FHIT: variants seen among roughly 807,000 people sequenced by gnomAD.
The protein encoded by FHIT is bis(5'-adenosyl)-triphosphatase.
Under a neutral mutation model 17.9 loss-of-function variants are expected in FHIT, and 19 were observed. That is an observed-to-expected ratio of 1.06 (90% CI 0.74 to 1.56). The LOEUF is 1.56. Among genes scored for constraint, FHIT ranks in the 40% most tolerant of loss-of-function variants. The pLI is 0.00. For synonymous variants in FHIT, 81 were observed against 69.7 expected, an observed-to-expected ratio of 1.16 and a Z score of -0.81; for missense variants, 248 against 189.2, an observed-to-expected ratio of 1.31 and a Z score of -1.82.
At chr3:60,863,664 C>T (rs1051224415) in intron 3 of FHIT, among the ~76,000 whole-genome samples, 5 of 151,938 alleles carry the variant, frequency 3.3e-5, no homozygotes, top group African/African-American at 4.8e-5. Flanking sequence ...TTTGATGGTC[C>T]CTGGGTGAGG....
intron 4 of FHIT, among the ~76,000 whole-genome samples, chr3:60,563,515 C>A (rs1322198708): frequency 6.6e-6 from 1 of 152,200 alleles, no homozygotes; most frequent in Non-Finnish European, 1.5e-5. Context: ...CAAAGACAGG[C>A]CAAAAGCTAG....
Position 60,928,117 on chromosome 3 carries a change from G to C in FHIT, c.-110-106106C>G, listed in dbSNP as rs377492177. Among the ~76,000 whole-genome samples the C allele has an allele frequency of 4.6e-5, 7 of 152,134 alleles. No individual in the cohort carries two copies. The East Asian group carries it at 7.7e-4, about 17-fold the overall frequency. ...ACAGATGCTTGAAGGCAGTATGCTC[G>C]TTAAGAGTCATCACCACTCCCTAAT... On this transcript the variant is annotated intron_variant, in intron 3 of 9. Transcript: ENST00000492590.
chr3:60,141,435 GA>G (rs1700035731), intron 5 of FHIT, among the ~76,000 whole-genome samples: 1 of 143,662 alleles, frequency 7.0e-6, no homozygotes, highest in Non-Finnish European at 1.5e-5. Flanking sequence ...AGCCAAATGA[GA>G]TATTGAAAAA....
At chr3:60,089,491 G>A (rs1030498672) in intron 5 of FHIT, among the ~76,000 whole-genome samples, 3 of 152,048 alleles carry the variant, frequency 2.0e-5, no homozygotes, top group African/African-American at 7.3e-5. Context: ...ATGGTTGAGT[G>A]GATAAATGGA....
intron 2 of FHIT, among the ~76,000 whole-genome samples, chr3:61,110,632 T>C (rs1377943677): frequency 1.3e-5 from 2 of 152,142 alleles, no homozygotes; most frequent in Non-Finnish European, 2.9e-5. Flanking sequence ...CTGCCTAGAA[T>C]AGGATCTGGC....
In FHIT at chr3:60,290,157, A is replaced by G. The variant is rs180871845; in HGVS notation, c.103+246703T>C. On this transcript the variant is annotated intron_variant, in intron 5 of 9. Coordinates refer to ENST00000492590, the MANE Select transcript of FHIT (RefSeq NM_002012.4). ...CACCAGGCCCCTCTGTGTTCCGAGAAGTCAGCACATACCCTAAGCTAGAAA... is the reference window on the plus strand; with the variant it reads ...CACCAGGCCCCTCTGTGTTCCGAGAGGTCAGCACATACCCTAAGCTAGAAA... Among the ~76,000 whole-genome samples the G allele has an allele frequency of 4.0e-3, 608 of 152,242 alleles. 2 individuals carry two copies. Among genetic ancestry groups the G allele is most frequent in the African/African-American group, 0.014 (577 of 41,564 alleles).
At chr3:60,479,025 CTG>C (rs2033479851) in intron 5 of FHIT, among the ~76,000 whole-genome samples, 1 of 152,152 alleles carries the variant, frequency 6.6e-6, no homozygotes, top group Admixed American at 6.5e-5. Flanking sequence ...GACAGCAACA[CTG>C]TAGAACATTC....
chr3:61,135,253 A>G (rs544434651), intron 2 of FHIT, among the ~76,000 whole-genome samples: 106 of 152,336 alleles, frequency 7.0e-4, no homozygotes, highest in Non-Finnish European at 9.6e-4. Context: ...CTTTCTTTCA[A>G]TGATTTTTGG....
At chr3:60,158,645 T>C (rs1234366723) in intron 5 of FHIT, among the ~76,000 whole-genome samples, 1 of 152,122 alleles carries the variant, frequency 6.6e-6, no homozygotes, top group East Asian at 1.9e-4. Context: ...AAAGAAAAGG[T>C]CACTGCACAA....
At chr3:60,300,842 C>G (rs1007432860) in intron 5 of FHIT, among the ~76,000 whole-genome samples, 12 of 152,084 alleles carry the variant, frequency 7.9e-5, no homozygotes, top group African/African-American at 2.7e-4. Flanking sequence ...ATATCACAGT[C>G]CTGATGTTCT....
chr3:60,098,836 G>C (rs553193477), intron 5 of FHIT, among the ~76,000 whole-genome samples: 16 of 152,302 alleles, frequency 1.1e-4, no homozygotes, highest in Admixed American at 7.2e-4. Flanking sequence ...GTAAACAGTA[G>C]TCAAATTTTG....
intron 2 of FHIT, among the ~76,000 whole-genome samples, chr3:61,105,273 G>C (rs2035957264): frequency 6.6e-6 from 1 of 151,782 alleles, no homozygotes; most frequent in Non-Finnish European, 1.5e-5. Context: ...ATGACCTTGA[G>C]GGTTTCATTG....
intron 4 of FHIT, among the ~76,000 whole-genome samples, chr3:60,625,072 C>G (rs1437343926): frequency 6.6e-6 from 1 of 152,094 alleles, no homozygotes; most frequent in Non-Finnish European, 1.5e-5. Flanking sequence ...CCATGCCTGG[C>G]AAATTTTTGT....
chr3:61,094,699 A>G (rs1467118773), intron 2 of FHIT, among the ~76,000 whole-genome samples: 4 of 152,216 alleles, frequency 2.6e-5, no homozygotes, highest in Non-Finnish European at 5.9e-5. Flanking sequence ...TGCTGGGGCC[A>G]TTATTAAGTA....
At chr3:59,795,756 A>G (rs1905865) in intron 8 of FHIT, among the ~76,000 whole-genome samples, 79,391 of 152,074 alleles carry the variant, frequency 0.52, 23,827 homozygotes, top group East Asian at 0.7. Context: ...TAATAAATAA[A>G]AAGTAAAAAA....
At chr3:61,056,295 G>A (rs773390707) in intron 2 of FHIT, among the ~76,000 whole-genome samples, 10 of 152,222 alleles carry the variant, frequency 6.6e-5, no homozygotes, top group Non-Finnish European at 1.2e-4. Flanking sequence ...CCCAGGTGAA[G>A]ATTGGGATTA....
intron 5 of FHIT, among the ~76,000 whole-genome samples, chr3:60,463,219 C>T (rs184597643): frequency 3.3e-5 from 5 of 152,164 alleles, no homozygotes; most frequent in Admixed American, 2.6e-4. Flanking sequence ...GGTGTTATTT[C>T]ATGTAAATGT....
intron 4 of FHIT, among the ~76,000 whole-genome samples, chr3:60,548,130 CGAGAGAGAGAGAGCGAGA>C (rs991832117): frequency 1.5e-3 from 25 of 16,342 alleles, no homozygotes; most frequent in East Asian, 0.023. Context: ...AAAAGGAGCA[CGAGAGAGAGAGAGCGAGA>C]GAGAGAGAGA....
At chr3:60,331,274 T>A (rs1576487529) in intron 5 of FHIT, among the ~76,000 whole-genome samples, 1 of 152,234 alleles carries the variant, frequency 6.6e-6, no homozygotes, top group East Asian at 1.9e-4. Context: ...CAGTGCCCTT[T>A]CCTGATTTTT....
Sources: gnomAD v4.1 joint callset for allele counts (sites outside exome capture counted in the v4.1 genomes callset) on GRCh38, gnomAD v4.1.1 for gene constraint, MANE v1.5 for transcripts, NCBI Gene and HGNC (gene_info 2026-07-23, HGNC 2026-07-21) for gene names.